Variants in TMIGD3 observed in about 807,000 individuals in gnomAD.
TMIGD3 encodes AD026 protein (AD026).
A neutral mutation model predicts 28.1 loss-of-function variants in TMIGD3; 21 were observed. The observed-to-expected ratio is 0.75, with a 90% CI of 0.53 to 1.08. The LOEUF is 1.08. Ranked by LOEUF, TMIGD3 falls within the 50% of genes least tolerant of loss-of-function variation. TMIGD3 has a pLI of 0.00. For missense variants in TMIGD3, 416 were observed against 435.6 expected (o/e 0.96, Z 0.40); for synonymous variants, 151 against 162.1 (o/e 0.93, Z 0.52).
At chr1:111,533,421 A>C (rs1053670114) in intron 1 of TMIGD3, among the ~76,000 whole-genome samples, 5 of 152,264 alleles carry the variant, frequency 3.3e-5, no homozygotes, top group African/African-American at 1.2e-4. Context: ...GTATAAAAGT[A>C]TATAAAATTA....
chr1:111,521,397 A>T (rs1359880862), intron 1 of TMIGD3, among the ~76,000 whole-genome samples: 1 of 152,164 alleles, frequency 6.6e-6, no homozygotes, highest in Non-Finnish European at 1.5e-5. Flanking sequence ...ACCAGTAATG[A>T]ATGAGAGTTC....
chr1:111,544,501 G>A (rs1008851206), intron 1 of TMIGD3, among the ~76,000 whole-genome samples: 1 of 152,056 alleles, frequency 6.6e-6, no homozygotes, highest in Admixed American at 6.6e-5. Context: ...ATAATGTTTT[G>A]AAGGTTCATC....
intron 1 of TMIGD3, among the ~76,000 whole-genome samples, chr1:111,539,231 T>C (rs1442258833): frequency 1.3e-5 from 2 of 152,238 alleles, no homozygotes; most frequent in East Asian, 3.8e-4. Flanking sequence ...TACTATGCTC[T>C]TCAGCCCATG....
upstream of TMIGD3, among the ~76,000 whole-genome samples, chr1:111,504,276 C>T (rs1055644657): frequency 6.6e-6 from 1 of 152,204 alleles, no homozygotes; most frequent in Non-Finnish European, 1.5e-5. Flanking sequence ...CGGCCAATGT[C>T]CAACCTATGT....
chr1:111,545,858 C>A (rs1657016029), intron 1 of TMIGD3, among the ~76,000 whole-genome samples: 1 of 152,136 alleles, frequency 6.6e-6, no homozygotes, highest in Admixed American at 6.5e-5. Flanking sequence ...GTTGTCCCAG[C>A]ACCATTTGTT....
At position 111,497,039 on chromosome 1, in the gene TMIGD3, C is replaced by G. The variant is rs151129848; in HGVS notation, c.350+5966G>C. 4.1e-3 allele frequency among the ~76,000 whole-genome samples: 618 copies of G among 152,276 alleles called. 4 individuals carry two copies. The highest frequency in any genetic ancestry group is 0.014 in the African/African-American group (592 of 41,570). On this transcript the variant is annotated intron_variant, in intron 1 of 5. Transcript: ENST00000369716. ...CTTATTCCTTTAGAATAAAAGCCCG[C>G]AGTTATTCTTTACCATTTAGCTGAG...
intron 1 of TMIGD3, chr1:111,499,888 C>T: frequency 6.3e-7 from 1 of 1,582,896 alleles, no homozygotes; most frequent in Non-Finnish European, 8.6e-7. Context: ...CATACAGGCC[C>T]TCAAGTGTTT....
At chr1:111,541,124 C>T (rs1656808329) in intron 1 of TMIGD3, among the ~76,000 whole-genome samples, 1 of 152,136 alleles carries the variant, frequency 6.6e-6, no homozygotes, top group Admixed American at 6.5e-5. Context: ...TATGAATGAA[C>T]GTGGCTATGT....
chr1:111,531,192 C>T (rs922453548), intron 1 of TMIGD3, among the ~76,000 whole-genome samples: 5 of 151,762 alleles, frequency 3.3e-5, no homozygotes, highest in African/African-American at 4.8e-5. Flanking sequence ...GTGGGAGGAT[C>T]GCTTGAGCCT....
intron 1 of TMIGD3, among the ~76,000 whole-genome samples, chr1:111,527,910 T>A (rs897587242): frequency 6.6e-6 from 1 of 151,984 alleles, no homozygotes; most frequent in African/African-American, 2.4e-5. Context: ...GTCTCCTGTA[T>A]CAGATATGTC....
intron 1 of TMIGD3, among the ~76,000 whole-genome samples, chr1:111,512,122 A>T (rs775104149): frequency 6.6e-6 from 1 of 152,248 alleles, no homozygotes; most frequent in Non-Finnish European, 1.5e-5. Context: ...CCAATCAAGC[A>T]CACAGCTGAC....
chr1:111,496,889 G>C (rs925625889), intron 1 of TMIGD3, among the ~76,000 whole-genome samples: 1 of 152,074 alleles, frequency 6.6e-6, no homozygotes, highest in African/African-American at 2.4e-5. Context: ...TTTTTCCCCA[G>C]TTGTCTTGAT....
At chr1:111,544,216 T>C (rs1656954170) in intron 1 of TMIGD3, among the ~76,000 whole-genome samples, 2 of 152,226 alleles carry the variant, frequency 1.3e-5, no homozygotes, top group African/African-American at 4.8e-5. Flanking sequence ...TTATCCCTTG[T>C]TTAAAAAGTT....
chr1:111,554,953 C>A (rs1657420032), intron 1 of TMIGD3, among the ~76,000 whole-genome samples: 1 of 151,762 alleles, frequency 6.6e-6, no homozygotes, highest in Non-Finnish European at 1.5e-5. Context: ...GAAAAAGTGA[C>A]CTACCGAGAC....
intron 1 of TMIGD3, chr1:111,501,507 T>C (rs1655173580): frequency 6.6e-6 from 1 of 152,236 alleles, no homozygotes; most frequent in Middle Eastern, 3.2e-3. Context: ...ATAGCCACCA[T>C]TTATTGAGCA....
At chr1:111,539,675 A>G (rs1190454053) in intron 1 of TMIGD3, among the ~76,000 whole-genome samples, 3 of 152,186 alleles carry the variant, frequency 2.0e-5, no homozygotes, top group African/African-American at 7.2e-5. Flanking sequence ...ACCTTACACA[A>G]TATCCCCCTA....
At chr1:111,512,972 C>T (rs573183311) in intron 1 of TMIGD3, among the ~76,000 whole-genome samples, 1 of 152,202 alleles carries the variant, frequency 6.6e-6, no homozygotes, top group South Asian at 2.1e-4. Flanking sequence ...CTTTTCTCCA[C>T]CCTTGCCAAG....
intron 5 of TMIGD3, chr1:111,485,529 T>C (rs1463330325): frequency 8.2e-6 from 4 of 487,348 alleles, no homozygotes; most frequent in Non-Finnish European, 1.5e-5. Context: ...ATGTATCCAC[T>C]TAAGAAAGCT....
chr1:111,505,977 T>G (rs1446789480), upstream of TMIGD3, among the ~76,000 whole-genome samples: 1 of 152,162 alleles, frequency 6.6e-6, no homozygotes. Flanking sequence ...CTCAGAGTCA[T>G]TCTCTTTCAC....
Sources: allele counts gnomAD v4.1 joint callset (sites outside exome capture counted in the v4.1 genomes callset), GRCh38; gene constraint gnomAD v4.1.1; transcripts MANE v1.5; gene names NCBI Gene and HGNC (gene_info 2026-07-23, HGNC 2026-07-21).